The following DAO variants were observed in gnomAD, a reference collection of about 807,000 sequenced individuals.
DAO encodes the protein D-amino acid oxidase, also known as D-amino-acid oxidase.
A neutral mutation model predicts 50.1 loss-of-function variants in DAO; 51 were observed. That is an observed-to-expected ratio of 1.02 (90% CI 0.81 to 1.29). DAO has a LOEUF of 1.29. DAO is among the 50% of genes most tolerant of loss of function. The pLI is 0.00. For missense variants in DAO, 436 were observed against 439.4 expected, an observed-to-expected ratio of 0.99 and a Z score of 0.07; for synonymous variants, 160 against 166.2, an observed-to-expected ratio of 0.96 and a Z score of 0.29.
chr12:108,881,601 ATTT>A (rs34780883), intron 1 of DAO, among the ~76,000 whole-genome samples: 1,674 of 99,178 alleles, frequency 0.017, 71 homozygotes, highest in African/African-American at 0.065. Flanking sequence ...TTCCTTTTAA[ATTT>A]TTTTTTTTTT....
intron 7 of DAO, among the ~76,000 whole-genome samples, chr12:108,896,668 C>T (rs1434303028): frequency 6.6e-6 from 1 of 152,090 alleles, no homozygotes; most frequent in East Asian, 1.9e-4. Flanking sequence ...TTCTCTGGGG[C>T]TCCTGGGGCC....
intron 2 of DAO, among the ~76,000 whole-genome samples, chr12:108,885,469 GC>G (rs1349904040): frequency 2.6e-5 from 4 of 152,088 alleles, no homozygotes; most frequent in African/African-American, 9.7e-5. Context: ...AATTAGCCGG[GC>G]ATGGTGGCGC....
At chr12:108,880,256 C>A (rs2039362302) in intron 1 of DAO, 32 bp downstream of exon 1, 1 of 409,410 alleles carries the variant, frequency 2.4e-6, no homozygotes, top group South Asian at 1.8e-5. Context: ...GAGCTGGGGA[C>A]AGGGGTTGGG....
At chr12:108,897,256 G>T (rs2039570008) in intron 8 of DAO, among the ~76,000 whole-genome samples, 168 bp downstream of exon 8, 1 of 151,888 alleles carries the variant, frequency 6.6e-6, no homozygotes, top group South Asian at 2.1e-4. Context: ...CACTCTTATT[G>T]CCCAGGCTGG....
rs756404040 is a variant in DAO, at chr12:108,897,040, C to T, written c.647C>T (p.Thr216Ile). ...DAPWMKHFIL[T>I]HDPERGIYNS... ...CCTTGGATGAAGCACTTCATTCTCA[C>T]CCATGACCCAGAGAGAGGCATCTAC... The change falls in exon 8 of 11, where the codon ACC (threonine) becomes ATC (isoleucine). Residue 216 changes from threonine to isoleucine, a missense_variant. Coordinates refer to ENST00000228476, the MANE Select transcript of DAO (RefSeq NM_001917.5). 4 of 1,613,904 alleles carry T rather than the reference C, an allele frequency of 2.5e-6. No homozygotes were observed. The African/African-American group carries it at 5.3e-5, about 22-fold the overall frequency.
chr12:108,885,200 C>T lies in DAO; in HGVS notation c.194C>T (p.Ala65Val), dbSNP rs750347943. The T allele has an allele frequency of 3.7e-6, 6 of 1,611,848 alleles. No homozygotes were observed. The highest frequency in any genetic ancestry group is 3.3e-5 in the Admixed American group (2 of 59,988). The change falls in exon 2 of 11, where the codon GCG becomes GTG. Residue 65 changes from alanine to valine, a missense_variant and splice_region_variant. Ala to Val is a moderately conservative substitution (Grantham distance 64, BLOSUM62 0). Transcript: ENST00000228476. Reference sequence around the variant, plus strand: ...TCTGACCCCAACAACCCACAGGAGGCGTGAGTGAGGGTCACATAGGGTAGC... The same window carrying T: ...TCTGACCCCAACAACCCACAGGAGGTGTGAGTGAGGGTCACATAGGGTAGC... ...YLSDPNNPQE[A>V]DWSQQTFDYL...
chr12:108,892,471 T>C (rs1268605236), intron 5 of DAO, among the ~76,000 whole-genome samples: 1 of 152,110 alleles, frequency 6.6e-6, no homozygotes, highest in African/African-American at 2.4e-5. Context: ...TCGCTGTTTC[T>C]AGTGTATTTC....
At chr12:108,894,709 GTTA>G (rs1031814621) in intron 7 of DAO, among the ~76,000 whole-genome samples, 19 of 152,050 alleles carry the variant, frequency 1.2e-4, no homozygotes, top group South Asian at 1.0e-3. Context: ...TATTAATTGT[GTTA>G]TTATTATTAT....
In DAO at chr12:108,899,180, G is replaced by C. The variant is rs531571783; in HGVS notation, c.814-197G>C. Among the ~76,000 whole-genome samples, 6 of 152,198 alleles carry C rather than the reference G, an allele frequency of 3.9e-5. No individual in the cohort carries two copies. In the South Asian group the frequency reaches 1.2e-3, roughly 32 times the overall value. On this transcript the variant is annotated intron_variant, in intron 9 of 10. Transcript: ENST00000228476. ...GGTAGTGGTTGATGATGGAATTGGTGGAAAGGTGGAAGCAGTAATGGTAAT... is the reference window on the plus strand; with the variant it reads ...GGTAGTGGTTGATGATGGAATTGGTCGAAAGGTGGAAGCAGTAATGGTAAT...
Position 108,885,067 on chromosome 12 carries a change from G to A in DAO, c.61G>A (p.Glu21Lys), listed in dbSNP as rs758203634. ...GCTGTCCACCGCCCTCTGCATCCATGAGCGCTACCACTCAGTCCTGCAGCC... is the reference window on the plus strand; with the variant it reads ...GCTGTCCACCGCCCTCTGCATCCATAAGCGCTACCACTCAGTCCTGCAGCC... ...IGLSTALCIH[E>K]RYHSVLQPLD... Residue 21 changes from glutamate (E) to lysine (K), a missense_variant, in exon 2 of 11, where the codon GAG becomes AAG. By Grantham distance (56) the Glu-to-Lys change is moderately conservative. Transcript: ENST00000228476. The A allele has an allele frequency of 7.1e-5, 115 of 1,614,068 alleles. No individual in the cohort carries two copies. The highest frequency in any genetic ancestry group is 9.5e-5 in the Non-Finnish European group (112 of 1,180,034).
At chr12:108,894,430 C>T in intron 7 of DAO, 63 bp downstream of exon 7, 1 of 1,262,860 alleles carries the variant, frequency 7.9e-7, no homozygotes, top group South Asian at 1.3e-5. Flanking sequence ...ATGCTTATTT[C>T]ATCCCTCAAG....
chr12:108,887,548 T>C lies in DAO; in HGVS notation c.293T>C (p.Phe98Ser). ...TTCCTAATCTCGGGCTACAACCTCTTCCATGAAGCCATTCCGGTGGGTGAA... is the reference window on the plus strand; with the variant it reads ...TTCCTAATCTCGGGCTACAACCTCTCCCATGAAGCCATTCCGGTGGGTGAA... ...GLFLISGYNL[F>S]HEAIPDPSWK... The change falls in exon 3 of 11, where the codon TTC (phenylalanine) becomes TCC (serine). Residue 98 changes from phenylalanine to serine, a missense_variant. By Grantham distance (155) the Phe-to-Ser change is radical. Transcript: ENST00000228476. 2 of 1,612,880 alleles carry C rather than the reference T, an allele frequency of 1.2e-6. No individual in the cohort carries two copies. The highest frequency in any genetic ancestry group is 1.7e-6 in the Non-Finnish European group (2 of 1,178,934).
In DAO at chr12:108,887,443, C is replaced by T. The variant is rs1171352578; in HGVS notation, c.195-7C>T. The stretch of plus-strand genomic sequence containing the variant: ...TTGGGTGATCGAACTCTTCATGACC[C>T]TTCCAGGGACTGGAGCCAACAGACC... On this transcript the variant is annotated splice_polypyrimidine_tract_variant and splice_region_variant and intron_variant, in intron 2 of 10. Coordinates refer to ENST00000228476, the MANE Select transcript of DAO (RefSeq NM_001917.5). The T allele has an allele frequency of 8.7e-6, 14 of 1,609,600 alleles. No individual in the cohort carries two copies. Among genetic ancestry groups the T allele is most frequent in the Non-Finnish European group, 1.1e-5 (13 of 1,175,928 alleles).
chr12:108,896,740 G>C (rs1296403790), intron 7 of DAO, among the ~76,000 whole-genome samples: 1 of 152,184 alleles, frequency 6.6e-6, no homozygotes, highest in Non-Finnish European at 1.5e-5. Flanking sequence ...TCATGTGTAT[G>C]CATTTACATG....
intron 8 of DAO, among the ~76,000 whole-genome samples, chr12:108,897,390 G>T (rs1164695860): frequency 6.6e-6 from 1 of 151,938 alleles, no homozygotes; most frequent in African/African-American, 2.4e-5. Context: ...CTAATTTTTT[G>T]TATTTTTAGT....
chr12:108,896,165 T>C (rs2039552304), intron 7 of DAO, among the ~76,000 whole-genome samples: 1 of 152,072 alleles, frequency 6.6e-6, no homozygotes, highest in South Asian at 2.1e-4. Flanking sequence ...GACTCACACC[T>C]GTAATCCCAG....
chr12:108,899,303 T>C, intron 9 of DAO, 74 bp from the exon 10 acceptor site: 2 of 1,038,584 alleles, frequency 1.9e-6, no homozygotes, highest in Non-Finnish European at 2.9e-6. Context: ...TTCTAAAAGC[T>C]AACTCCCTAC....
chr12:108,887,437 A>G lies in DAO; in HGVS notation c.195-13A>G. The G allele has an allele frequency of 1.9e-6, 3 of 1,604,532 alleles. No individual in the cohort carries two copies. The highest frequency in any genetic ancestry group is 2.6e-6 in the Non-Finnish European group (3 of 1,171,400). On this transcript the variant is annotated splice_polypyrimidine_tract_variant and intron_variant, in intron 2 of 10. Transcript: ENST00000228476. ...AGGGCATTGGGTGATCGAACTCTTC[A>G]TGACCCTTCCAGGGACTGGAGCCAA...
chr12:108,895,277 GTGTA>G (rs1162072313), intron 7 of DAO, among the ~76,000 whole-genome samples: 4 of 152,146 alleles, frequency 2.6e-5, no homozygotes, highest in South Asian at 4.2e-4. Flanking sequence ...ATGTGTGTGT[GTGTA>G]TGTAAGGGTA....
Sources: allele counts gnomAD v4.1 joint callset (sites outside exome capture counted in the v4.1 genomes callset), GRCh38; gene constraint gnomAD v4.1.1; transcripts MANE v1.5; gene names NCBI Gene and HGNC (gene_info 2026-07-23, HGNC 2026-07-21).